Variants in BNC2 observed in about 807,000 individuals in gnomAD.
The protein encoded by BNC2 is basonuclin zinc finger protein 2.
In BNC2, 20 loss-of-function variants were observed where a neutral mutation model predicts 76.3. The observed-to-expected ratio is 0.26, with a 90% confidence interval of 0.18 to 0.38. BNC2 has a LOEUF of 0.38. Ranked by LOEUF, BNC2 falls within the 10% of genes least tolerant of loss-of-function variation. BNC2 has a pLI of 1.00. For synonymous variants in BNC2, 582 were observed against 514.8 expected (o/e 1.13, Z -1.77); for missense variants, 1,382 against 1,399.8 (o/e 0.99, Z 0.20).
intron 1 of BNC2, among the ~76,000 whole-genome samples, chr9:16,853,406 CAAAA>C (rs34704088): frequency 3.4e-5 from 3 of 86,984 alleles, no homozygotes; most frequent in African/African-American, 4.2e-5. Flanking sequence ...GACCTTGTCT[CAAAA>C]AAAAAAAAAA....
intron 5 of BNC2, among the ~76,000 whole-genome samples, chr9:16,454,660 G>A (rs900903765): frequency 1.3e-5 from 2 of 152,026 alleles, no homozygotes; most frequent in Non-Finnish European, 2.9e-5. Context: ...CTAACCACTT[G>A]TTACTTCTGT....
chr9:16,421,329 G>C, intron 6 of BNC2: 1 of 1,231,870 alleles, frequency 8.1e-7, no homozygotes, highest in Non-Finnish European at 1.1e-6. Flanking sequence ...AAGAATAAGA[G>C]ACAGAGAGAG....
intron 3 of BNC2, among the ~76,000 whole-genome samples, chr9:16,608,176 T>TC (rs776761985): frequency 1.3e-5 from 2 of 152,290 alleles, no homozygotes; most frequent in South Asian, 4.2e-4. Flanking sequence ...TAGGGGTACT[T>TC]CCTACTTCCT....
chr9:16,600,163 TG>T (rs1436539051), intron 3 of BNC2, among the ~76,000 whole-genome samples: 1 of 152,210 alleles, frequency 6.6e-6, no homozygotes, highest in Non-Finnish European at 1.5e-5. Context: ...TAAAGTACCT[TG>T]TAAGTTTGTG....
chr9:16,616,314 C>T (rs563131492), intron 3 of BNC2, among the ~76,000 whole-genome samples: 28 of 151,762 alleles, frequency 1.8e-4, no homozygotes, highest in African/African-American at 6.3e-4. Flanking sequence ...ATTGCTTGAG[C>T]CTCGGATGTT....
chr9:16,706,449 C>T (rs1449207384), intron 3 of BNC2, among the ~76,000 whole-genome samples: 1 of 152,190 alleles, frequency 6.6e-6, no homozygotes, highest in East Asian at 1.9e-4. Context: ...AGAAGGTGTT[C>T]CAGCTTTAAT....
At chr9:16,513,395 C>G (rs907685500) in intron 5 of BNC2, among the ~76,000 whole-genome samples, 1 of 149,210 alleles carries the variant, frequency 6.7e-6, no homozygotes, top group Non-Finnish European at 1.5e-5. Flanking sequence ...CAAGCTCTGC[C>G]TCCTGGGTTC....
At chr9:16,551,159 T>C (rs1818650488) in intron 5 of BNC2, among the ~76,000 whole-genome samples, 1 of 152,214 alleles carries the variant, frequency 6.6e-6, no homozygotes, top group Admixed American at 6.5e-5. Context: ...TAATATATAA[T>C]TGCTACTATT....
intron 1 of BNC2, among the ~76,000 whole-genome samples, chr9:16,770,278 T>C (rs1222976060): frequency 6.6e-6 from 1 of 152,172 alleles, no homozygotes; most frequent in South Asian, 2.1e-4. Context: ...GTCACAGATA[T>C]GGGCTGATTG....
intron 3 of BNC2, among the ~76,000 whole-genome samples, chr9:16,724,862 G>A (rs1824264299): frequency 6.6e-6 from 1 of 151,936 alleles, no homozygotes; most frequent in African/African-American, 2.4e-5. Flanking sequence ...CTGTAACTCA[G>A]TTTTGAAACC....
chr9:16,866,616 G>A (rs530499313), intron 1 of BNC2, among the ~76,000 whole-genome samples: 2 of 144,306 alleles, frequency 1.4e-5, no homozygotes, highest in South Asian at 4.5e-4. Flanking sequence ...AAGCTTAGCT[G>A]ACGCCTTGAC....
intron 1 of BNC2, among the ~76,000 whole-genome samples, chr9:16,834,312 C>T (rs1418997352): frequency 1.3e-5 from 2 of 152,136 alleles, no homozygotes; most frequent in Admixed American, 6.5e-5. Context: ...ACCCCAAATC[C>T]ACTTGTTGGG....
intron 1 of BNC2, among the ~76,000 whole-genome samples, chr9:16,793,970 G>A (rs1247447327): frequency 6.7e-6 from 1 of 150,124 alleles, no homozygotes; most frequent in Non-Finnish European, 1.5e-5. Flanking sequence ...CCAAAGTGCT[G>A]GGATTACAGG....
chr9:16,599,295 C>T (rs190357310), intron 3 of BNC2, among the ~76,000 whole-genome samples: 5 of 152,298 alleles, frequency 3.3e-5, no homozygotes, highest in Admixed American at 2.6e-4. Flanking sequence ...TCATAACTTA[C>T]ATACTACAGA....
intron 5 of BNC2, among the ~76,000 whole-genome samples, chr9:16,479,937 A>C: frequency 6.6e-6 from 1 of 152,200 alleles, no homozygotes; most frequent in East Asian, 1.9e-4. Context: ...AATTATTTGC[A>C]AGCTACTTGT....
intron 4 of BNC2, among the ~76,000 whole-genome samples, chr9:16,555,450 G>A (rs187869471): frequency 6.6e-6 from 1 of 152,116 alleles, no homozygotes; most frequent in Non-Finnish European, 1.5e-5. Context: ...TGAGACTGAG[G>A]ATATTATAAG....
Position 16,522,224 on chromosome 9 carries a change from G to A in BNC2, c.669+30306C>T, listed in dbSNP as rs1209339025. The stretch of plus-strand genomic sequence containing the variant: ...TGGAGCTGGAACCTAGTCTGAGTCA[G>A]GAAAACCACAGCTCATAAGCAAAGA... On this transcript the variant is annotated intron_variant, in intron 5 of 6. Transcript: ENST00000380672. Among the ~76,000 whole-genome samples the A allele has an allele frequency of 3.3e-5, 5 of 152,218 alleles. No homozygotes were observed. The East Asian group carries it at 9.6e-4, about 29-fold the overall frequency.
intron 4 of BNC2, among the ~76,000 whole-genome samples, chr9:16,570,571 A>G (rs373746490): frequency 1.3e-5 from 2 of 152,288 alleles, no homozygotes; most frequent in East Asian, 3.9e-4. Flanking sequence ...TCCTCATAAA[A>G]ACGGGTTAAG....
rs1489801112 is a variant in BNC2, at chr9:16,454,282, C to G, written c.670-16758G>C. On this transcript the variant is annotated intron_variant, in intron 5 of 6. Transcript: ENST00000380672. ...GAGCAGAGCTTGGATGGTACTAAAA[C>G]CATCACATTTATAATACAATTATTA... Among the ~76,000 whole-genome samples, 3 of 152,052 alleles carry G rather than the reference C, an allele frequency of 2.0e-5. No individual in the cohort carries two copies. The South Asian group carries it at 6.2e-4, about 32-fold the overall frequency.
Sources: gnomAD v4.1 joint callset for allele counts (sites outside exome capture counted in the v4.1 genomes callset) on GRCh38, gnomAD v4.1.1 for gene constraint, MANE v1.5 for transcripts, NCBI Gene and HGNC (gene_info 2026-07-23, HGNC 2026-07-21) for gene names.